Variants in NUDCD3 observed in about 807,000 individuals in gnomAD.
NUDCD3 encodes nudC domain-containing protein 3.
In NUDCD3, 13 loss-of-function variants were observed where a neutral mutation model predicts 39.7. The observed-to-expected ratio is 0.33, with a 90% CI of 0.21 to 0.52. The LOEUF is 0.52. Among genes scored for constraint, NUDCD3 ranks in the 20% least tolerant of loss-of-function variants. The pLI is 0.96. For missense variants in NUDCD3, 453 were observed against 458.1 expected (o/e 0.99, Z 0.10); for synonymous variants, 175 against 172.4 (o/e 1.02, Z -0.12).
intron 4 of NUDCD3, among the ~76,000 whole-genome samples, chr7:44,402,106 A>C (rs888689038): frequency 4.2e-4 from 64 of 152,224 alleles, no homozygotes; most frequent in African/African-American, 1.5e-3. Flanking sequence ...CGTTTCTCAC[A>C]GCACTGGAAA....
chr7:44,426,795 C>CAA (rs777817601), intron 3 of NUDCD3, among the ~76,000 whole-genome samples: 15 of 54,666 alleles, frequency 2.7e-4, no homozygotes, highest in South Asian at 5.8e-4. Context: ...GACTCCGTCT[C>CAA]AAAAAAAAAA....
intron 5 of NUDCD3, among the ~76,000 whole-genome samples, chr7:44,388,442 C>T (rs1798442694): frequency 6.6e-6 from 1 of 152,236 alleles, no homozygotes. Context: ...CACATGAGGG[C>T]ACACACCTAC....
intron 2 of NUDCD3, among the ~76,000 whole-genome samples, chr7:44,449,185 AG>A (rs1441905685): frequency 1.3e-5 from 2 of 152,228 alleles, no homozygotes; most frequent in Admixed American, 6.5e-5. Flanking sequence ...CCCACGTTTA[AG>A]GGGTGGAAAC....
intron 2 of NUDCD3, among the ~76,000 whole-genome samples, chr7:44,480,970 C>CA (rs1800478501): frequency 8.6e-6 from 1 of 116,130 alleles, no homozygotes; most frequent in Non-Finnish European, 1.8e-5. Flanking sequence ...AAAAAAAATC[C>CA]AAAAATTTGA....
Position 44,455,802 on chromosome 7 carries a change from G to A in NUDCD3, c.510-28099C>T, listed in dbSNP as rs541692071. ...AGCACTTTGGGAGGCCGAGGCGGGC[G>A]GATCACGAGGTCAGGAGATCGAGAC... On this transcript the variant is annotated intron_variant, in intron 2 of 5. Coordinates refer to ENST00000355451, the MANE Select transcript of NUDCD3 (RefSeq NM_015332.4). Among the ~76,000 whole-genome samples, 199 of 151,736 alleles carry A rather than the reference G, an allele frequency of 1.3e-3. 2 individuals carry two copies. The highest frequency in any genetic ancestry group is 4.5e-3 in the African/African-American group (187 of 41,402).
chr7:44,460,975 C>A (rs1300737659), intron 2 of NUDCD3, among the ~76,000 whole-genome samples: 1 of 152,174 alleles, frequency 6.6e-6, no homozygotes, highest in Admixed American at 6.5e-5. Context: ...TGTGATAATT[C>A]TTTTCTCCTA....
At chr7:44,434,143 G>A (rs1156286490) in intron 2 of NUDCD3, among the ~76,000 whole-genome samples, 1 of 152,024 alleles carries the variant, frequency 6.6e-6, no homozygotes, top group Non-Finnish European at 1.5e-5. Flanking sequence ...CCTACTTCTC[G>A]GTTTTATCTT....
At chr7:44,471,238 G>A (rs4615462) in intron 2 of NUDCD3, among the ~76,000 whole-genome samples, 19,592 of 152,238 alleles carry the variant, frequency 0.13, 1,680 homozygotes, top group Non-Finnish European at 0.19. Flanking sequence ...GCATATGCAC[G>A]TCCTCATGTA....
chr7:44,396,267 C>G (rs1798623465), intron 4 of NUDCD3, among the ~76,000 whole-genome samples: 1 of 152,136 alleles, frequency 6.6e-6, no homozygotes, highest in Admixed American at 6.5e-5. Context: ...AGTGGGCTGC[C>G]CTCCATGCTG....
intron 2 of NUDCD3, among the ~76,000 whole-genome samples, chr7:44,446,517 T>C (rs1215851653): frequency 6.6e-6 from 1 of 152,258 alleles, no homozygotes; most frequent in African/African-American, 2.4e-5. Context: ...TTGATCCTCT[T>C]CTGCATATAA....
chr7:44,393,922 G>C (rs1389125240), intron 4 of NUDCD3, among the ~76,000 whole-genome samples: 1 of 152,138 alleles, frequency 6.6e-6, no homozygotes, highest in East Asian at 1.9e-4. Context: ...AGACTCACCA[G>C]TATACACGGG....
chr7:44,452,901 A>T (rs1270935167), intron 2 of NUDCD3, among the ~76,000 whole-genome samples: 1 of 152,174 alleles, frequency 6.6e-6, no homozygotes, highest in Non-Finnish European at 1.5e-5. Flanking sequence ...TTGCACATTG[A>T]CTTCCTCCAT....
chr7:44,408,529 CA>C (rs1181908130), intron 3 of NUDCD3, among the ~76,000 whole-genome samples: 1 of 152,026 alleles, frequency 6.6e-6, no homozygotes, highest in East Asian at 1.9e-4. Context: ...CTCAGGAAAA[CA>C]AAAAAGATTT....
chr7:44,413,499 T>C (rs1273231111), intron 3 of NUDCD3, among the ~76,000 whole-genome samples: 3 of 152,102 alleles, frequency 2.0e-5, no homozygotes, highest in Admixed American at 2.0e-4. Flanking sequence ...TACAGCAACC[T>C]AATAGAAAAT....
At position 44,485,419 on chromosome 7, in the gene NUDCD3, GA is replaced by G. The variant is rs1385711320; in HGVS notation, c.193-136del. The G allele has an allele frequency of 5.6e-5, 38 of 682,430 alleles. No homozygotes were observed. The East Asian group carries it at 1.0e-3, about 18-fold the overall frequency. The allele number at this position is 682,430 out of a possible 1,614,324, so 42.3% of individuals were successfully genotyped here. On this transcript the variant is annotated intron_variant, in intron 1 of 5. Transcript: ENST00000355451. ...GACAAGTTTTCCCACTGGCAAAATG[GA>G]AATGCACTGCCACTTCACCAAAAGC... is the stretch of plus-strand genomic sequence containing the variant.
At chr7:44,420,387 A>C (rs1799114391) in intron 3 of NUDCD3, among the ~76,000 whole-genome samples, 1 of 152,236 alleles carries the variant, frequency 6.6e-6, no homozygotes, top group African/African-American at 2.4e-5. Context: ...AGTGTCCCTG[A>C]AAGTGACAGG....
At chr7:44,478,233 C>A (rs1362907579) in intron 2 of NUDCD3, among the ~76,000 whole-genome samples, 1 of 152,210 alleles carries the variant, frequency 6.6e-6, no homozygotes, top group Non-Finnish European at 1.5e-5. Flanking sequence ...CAAATTCTCT[C>A]TCTTCTCTGA....
At chr7:44,457,972 C>T (rs1799936011) in intron 2 of NUDCD3, among the ~76,000 whole-genome samples, 2 of 152,216 alleles carry the variant, frequency 1.3e-5, no homozygotes, top group African/African-American at 4.8e-5. Flanking sequence ...AGCATTTATA[C>T]TCCTAGGTAT....
At chr7:44,433,758 T>G (rs1476671675) in intron 2 of NUDCD3, among the ~76,000 whole-genome samples, 1 of 152,146 alleles carries the variant, frequency 6.6e-6, no homozygotes, top group Non-Finnish European at 1.5e-5. Context: ...GCTGCGTCTC[T>G]TCTCAGTTTC....
Sources: allele counts gnomAD v4.1 joint callset (sites outside exome capture counted in the v4.1 genomes callset), GRCh38; gene constraint gnomAD v4.1.1; transcripts MANE v1.5; gene names NCBI Gene and HGNC (gene_info 2026-07-23, HGNC 2026-07-21).